MYBPC3: variants seen among roughly 807,000 people sequenced by gnomAD.
The protein encoded by MYBPC3 is myosin binding protein C3.
In MYBPC3, 108 loss-of-function variants were observed where a neutral mutation model predicts 159.3. The observed-to-expected ratio is 0.68, with a 90% CI of 0.58 to 0.80. The LOEUF (loss-of-function observed/expected upper bound fraction) is 0.80, where lower values mean the gene tolerates loss of function less well. MYBPC3 is among the 30% of genes least tolerant of loss of function. The pLI is 0.00. For synonymous variants in MYBPC3, 730 were observed against 702.0 expected (o/e 1.04, Z -0.63); for missense variants, 1,631 against 1,762.1 (o/e 0.93, Z 1.33).
Position 47,332,097 on chromosome 11 carries a change from C to A in MYBPC3, c.3789G>T (p.Arg1263=). ...CRATNLQGEA[R]CECRLEVRVP... ...CTCGCACCTCCAGGCGGCACTCACACCGTGCCTCGCCCTGTAAGTTGGTGG... is the reference window on the plus strand; with the variant it reads ...CTCGCACCTCCAGGCGGCACTCACAACGTGCCTCGCCCTGTAAGTTGGTGG... The change falls in exon 33 of 35, where the codon CGG becomes CGT. Residue 1263 remains arginine, a synonymous_variant. Coordinates refer to ENST00000545968, the MANE Select transcript of MYBPC3 (RefSeq NM_000256.3). This position sits in a 1 kb window ranked among gnomAD's most constrained non-coding sequence, Gnocchi z 4.2. The A allele has an allele frequency of 6.2e-7, 1 of 1,612,176 alleles. No individual in the cohort carries two copies.
intron 14 of MYBPC3, 23 bp downstream of exon 14, chr11:47,343,237 A>G: frequency 6.4e-7 from 1 of 1,573,150 alleles, no homozygotes; most frequent in South Asian, 1.2e-5. Flanking sequence ...CCCCCACCCC[A>G]AGCCATCCAG....
In MYBPC3 at chr11:47,351,613, C is replaced by T. The variant is rs937360921; in HGVS notation, c.26-108G>A. The T allele has an allele frequency of 4.1e-6, 5 of 1,229,048 alleles. No homozygotes were observed. The highest frequency in any genetic ancestry group is 3.0e-5 in the African/African-American group (2 of 65,598). 76.1% of individuals were successfully genotyped at this position (1,229,048 alleles called of 1,614,324 possible). ...CTAGCACTTTCTATGCATCCCCTCACGTAATACTCTACCAGTTCTCTGAGG... is the reference window on the plus strand; with the variant it reads ...CTAGCACTTTCTATGCATCCCCTCATGTAATACTCTACCAGTTCTCTGAGG... On this transcript the variant is annotated intron_variant, in intron 1 of 34. Transcript: ENST00000545968. This position sits in a 1 kb window ranked among gnomAD's most constrained non-coding sequence, Gnocchi z 4.2.
chr11:47,334,545 C>G (rs1253072678), intron 27 of MYBPC3, among the ~76,000 whole-genome samples: 1 of 152,044 alleles, frequency 6.6e-6, no homozygotes, highest in Non-Finnish European at 1.5e-5. Flanking sequence ...CTGACATACA[C>G]CAAGAGAGCC....
chr11:47,340,121 A>T (rs542350765), intron 20 of MYBPC3, among the ~76,000 whole-genome samples: 38 of 110,818 alleles, frequency 3.4e-4, no homozygotes, highest in African/African-American at 9.8e-4. Flanking sequence ...CACACACAAT[A>T]CACACACACA....
chr11:47,339,406 T>C lies in MYBPC3; in HGVS notation c.2068-2A>G. On this transcript the variant is annotated splice_acceptor_variant, in intron 21 of 34. Transcript: ENST00000545968. LOFTEE classifies it high-confidence loss of function. ...TGGCCTGGCTGGGGCCTTATTCCCC[T>C]GGGAACAGGGCAGGAGGGAAGTAGG... 2 of 1,613,902 alleles carry C rather than the reference T, an allele frequency of 1.2e-6. No homozygotes were observed. The highest frequency in any genetic ancestry group is 1.7e-6 in the Non-Finnish European group (2 of 1,179,782).
At chr11:47,334,920 T>C (rs945905168) in intron 27 of MYBPC3, 122 bp downstream of exon 27, 30 of 1,190,746 alleles carry the variant, frequency 2.5e-5, no homozygotes, top group Admixed American at 3.9e-5. Context: ...CAACCCCTCC[T>C]GTCTCTGCCC....
intron 29 of MYBPC3, 80 bp from the exon 30 acceptor site, chr11:47,333,413 C>T: frequency 3.3e-6 from 5 of 1,497,180 alleles, no homozygotes; most frequent in South Asian, 1.3e-5. Context: ...ACCACCCCAC[C>T]CCTGCCAACC....
At position 47,351,235 on chromosome 11, in the gene MYBPC3, T is replaced by G; in HGVS notation, c.292+4A>C. 1 of 1,503,322 alleles carries G rather than the reference T, an allele frequency of 6.7e-7. No homozygotes were observed. Among genetic ancestry groups the G allele is most frequent in the Non-Finnish European group, 9.0e-7 (1 of 1,114,150 alleles). 93.1% of individuals were successfully genotyped at this position (1,503,322 alleles called of 1,614,324 possible). On this transcript the variant is annotated splice_donor_region_variant and intron_variant, in intron 2 of 34. Coordinates refer to ENST00000545968, the MANE Select transcript of MYBPC3 (RefSeq NM_000256.3). The surrounding 1 kb of genome is among the most constrained non-coding windows in gnomAD (Gnocchi z 4.2). The stretch of plus-strand genomic sequence containing the variant: ...ACCTCAGGGAAGGCTGATCAGGATC[T>G]TACCTGCCTCTATGACCTTGAGGTC...
intron 20 of MYBPC3, 35 bp downstream of exon 20, chr11:47,340,968 G>C: frequency 6.6e-7 from 1 of 1,524,584 alleles, no homozygotes; most frequent in Non-Finnish European, 8.8e-7. Flanking sequence ...GCGGGAAAGT[G>C]AGCAGAACCA....
At chr11:47,345,242 C>A (rs192691223) in intron 12 of MYBPC3, among the ~76,000 whole-genome samples, 1 of 152,198 alleles carries the variant, frequency 6.6e-6, no homozygotes, top group African/African-American at 2.4e-5. Flanking sequence ...CAGGAGTTAA[C>A]CCAGAGGAAC....
At chr11:47,339,515 C>A in intron 21 of MYBPC3, 111 bp from the exon 22 acceptor site, 2 of 1,497,154 alleles carry the variant, frequency 1.3e-6, no homozygotes, top group Non-Finnish European at 1.8e-6. Flanking sequence ...TTGCCTGCCC[C>A]CTGACCAGTC....
chr11:47,352,599 A>G, intron 1 of MYBPC3, 24 bp downstream of exon 1: 1 of 1,601,306 alleles, frequency 6.2e-7, no homozygotes, highest in Non-Finnish European at 8.5e-7. Flanking sequence ...CCACACTTAG[A>G]CCCAACCCCA....
intron 3 of MYBPC3, 23 bp from the exon 4 acceptor site, chr11:47,350,135 T>C: frequency 6.5e-7 from 1 of 1,548,222 alleles, no homozygotes; most frequent in African/African-American, 1.4e-5. Flanking sequence ...GCTTTTTCTG[T>C]TTGTTTGAGA....
Position 47,343,098 on chromosome 11 carries a change from T to G in MYBPC3, c.1274A>C (p.Gln425Pro). The G allele has an allele frequency of 6.2e-7, 1 of 1,612,276 alleles. No homozygotes were observed. The highest frequency in any genetic ancestry group is 8.5e-7 in the Non-Finnish European group (1 of 1,179,236). ...GGCTGCGTCGTCCGCCAATGAGCAC[T>G]GGCTGATGGTCAGGGTACGCTTGGC... ...IGAKRTLTIS[Q>P]CSLADDAAYQ... Residue 425 changes from glutamine (Q) to proline (P), a missense_variant, in exon 15 of 35, where the codon CAG becomes CCG. By Grantham distance (76) the Gln-to-Pro change is moderately conservative (BLOSUM62 -1). Transcript: ENST00000545968.
chr11:47,348,297 A>G, intron 6 of MYBPC3, 127 bp downstream of exon 6: 1 of 719,940 alleles, frequency 1.4e-6, no homozygotes, highest in South Asian at 1.8e-5. Context: ...TGTGTGCAGC[A>G]CTGGGCACGT....
rs1247842104 is a variant in MYBPC3 at position 47,350,062 on chromosome 11, G to A, written c.457C>T (p.Pro153Ser). The A allele has an allele frequency of 3.2e-6, 5 of 1,563,536 alleles. No homozygotes were observed. The highest frequency in any genetic ancestry group is 4.3e-6 in the Non-Finnish European group (5 of 1,153,610). Residue 153 changes from proline to serine, a missense_variant, in exon 4 of 35, where the codon CCC becomes TCC. Physicochemically the swap from Pro to Ser is moderately conservative, Grantham distance 74 (BLOSUM62 -1). Coordinates refer to ENST00000545968, the MANE Select transcript of MYBPC3 (RefSeq NM_000256.3). ...NGPTPGAPDDPIGLFVMRPQD... is the reference protein window; with the variant it reads ...NGPTPGAPDDSIGLFVMRPQD... ...GGCCGCATCACGAAGAGGCCAATGG[G>A]GTCATCGGGGGCTCCAGGGGTAGGA...
chr11:47,336,512 A>C (rs1025480530), intron 25 of MYBPC3: 3 of 152,252 alleles, frequency 2.0e-5, no homozygotes, highest in African/African-American at 7.3e-5. Flanking sequence ...AAAAAAAAAA[A>C]ACTAAAACTA....
At chr11:47,340,888 C>A in intron 20 of MYBPC3, 115 bp downstream of exon 20, 3 of 1,216,498 alleles carry the variant, frequency 2.5e-6, no homozygotes, top group Non-Finnish European at 2.2e-6. Flanking sequence ...TGAAGCTGGG[C>A]CCCAGGACCC....
chr11:47,346,340 C>T lies in MYBPC3; in HGVS notation c.957G>A (p.Glu319=). The T allele has an allele frequency of 1.2e-6, 2 of 1,606,574 alleles. No homozygotes were observed. Among genetic ancestry groups the T allele is most frequent in the Non-Finnish European group, 1.7e-6 (2 of 1,176,008 alleles). Residue 319 remains glutamate (E), a synonymous_variant, in exon 12 of 35, where the codon GAG becomes GAA. Transcript: ENST00000545968. This position sits in a 1 kb window ranked among gnomAD's most constrained non-coding sequence, Gnocchi z 5.3. ...RDSKLEAPAE[E]DVWEILRQAP... is the part of the protein sequence containing the mutation. ...CCTGCCGTAGGATCTCCCACACGTC[C>T]TCCTCTGCTGGTGCCTCCAGCTTCG...
Sources: gnomAD v4.1 joint callset for allele counts (sites outside exome capture counted in the v4.1 genomes callset) on GRCh38, gnomAD v4.1.1 for gene constraint, Gnocchi (gnomAD v3.1) non-coding constraint, MANE v1.5 for transcripts, NCBI Gene and HGNC (gene_info 2026-07-23, HGNC 2026-07-21) for gene names.